STARD9: variants seen among roughly 807,000 people sequenced by gnomAD.
STARD9 encodes stAR-related lipid transfer protein 9.
A neutral mutation model predicts 399.8 loss-of-function variants in STARD9; 346 were observed. That is an observed-to-expected ratio of 0.87 (90% CI 0.79 to 0.95). STARD9 has a LOEUF of 0.95. Ranked by LOEUF, STARD9 falls within the 40% of genes least tolerant of loss-of-function variation. The pLI is 0.00. For missense variants in STARD9, 5,832 were observed against 5,667.5 expected, an observed-to-expected ratio of 1.03 and a Z score of -0.93; for synonymous variants, 2,203 against 2,143.5, an observed-to-expected ratio of 1.03 and a Z score of -0.77.
chr15:42,717,958 G>A lies in STARD9; in HGVS notation c.13560-19G>A. On this transcript the variant is annotated intron_variant, in intron 29 of 32. Coordinates refer to ENST00000290607, the MANE Select transcript of STARD9 (RefSeq NM_020759.3). ...TTTTTGACCCCTTTCTATTTTCTGT[G>A]CTTGGTGTCTCCCCCCAGCTATCAG... is the stretch of plus-strand genomic sequence containing the variant. The A allele has an allele frequency of 6.5e-7, 1 of 1,536,548 alleles. No individual in the cohort carries two copies. Among genetic ancestry groups the A allele is most frequent in the Admixed American group, 2.0e-5 (1 of 50,990 alleles).
At chr15:42,713,220 CTTCA>C (rs1017909088) in intron 26 of STARD9, among the ~76,000 whole-genome samples, 5 of 152,180 alleles carry the variant, frequency 3.3e-5, no homozygotes, top group African/African-American at 1.2e-4. Context: ...ATTGTTTTCA[CTTCA>C]TTTTCAGTTT....
chr15:42,575,691 G>C lies in STARD9; in HGVS notation c.-25G>C. The stretch of plus-strand genomic sequence containing the variant: ...TGGGATGCTGCCGCTGAGCTGACCC[G>C]CTGGACTTGGGTTGTGGCAGACGGA... On this transcript the variant is annotated 5_prime_UTR_variant, in exon 1 of 33. Transcript: ENST00000290607. The C allele has an allele frequency of 2.6e-6, 4 of 1,536,336 alleles. No homozygotes were observed. The highest frequency in any genetic ancestry group is 2.4e-5 in the South Asian group (2 of 84,012).
chr15:42,588,128 C>T (rs1170852075), intron 3 of STARD9, among the ~76,000 whole-genome samples: 2 of 152,090 alleles, frequency 1.3e-5, no homozygotes, highest in East Asian at 3.8e-4. Context: ...CTGTTCTGTA[C>T]ATAAGAGGAA....
intron 26 of STARD9, among the ~76,000 whole-genome samples, chr15:42,711,301 C>A (rs536991419): frequency 6.6e-6 from 1 of 151,934 alleles, no homozygotes; most frequent in East Asian, 1.9e-4. Context: ...CACCACGCCC[C>A]GCTAATTTTT....
Position 42,691,114 on chromosome 15 carries a change from C to A in STARD9, c.9536C>A (p.Thr3179Asn). The part of the protein sequence containing the change: ...RCFLEKPQFS[T>N]ELRDHNRLDS... ...TTTTTGGAAAAGCCACAATTTTCCA[C>A]TGAGTTGAGGGATCACAATCGCTTG... is the stretch of plus-strand genomic sequence containing the variant. The change falls in exon 23 of 33, where the codon ACT becomes AAT. Residue 3179 changes from threonine to asparagine, a missense_variant. Around this residue, in one of 2 missense-constraint regions of STARD9, gnomAD observed 5,828 missense variants for 5,651.1 expected, o/e 1.03. Coordinates refer to ENST00000290607, the MANE Select transcript of STARD9 (RefSeq NM_020759.3). 3 of 1,537,200 alleles carry A rather than the reference C, an allele frequency of 2.0e-6. No homozygotes were observed. Among genetic ancestry groups the A allele is most frequent in the Non-Finnish European group, 1.7e-6 (2 of 1,146,888 alleles).
intron 3 of STARD9, among the ~76,000 whole-genome samples, chr15:42,621,159 G>T (rs1053290276): frequency 6.6e-6 from 1 of 151,798 alleles, no homozygotes; most frequent in South Asian, 2.1e-4. Context: ...TGATTAAGGT[G>T]GTGTCTGCCA....
chr15:42,638,526 A>G (rs2059464172), intron 6 of STARD9, among the ~76,000 whole-genome samples, 174 bp from the exon 7 acceptor site: 1 of 151,572 alleles, frequency 6.6e-6, no homozygotes, highest in African/African-American at 2.4e-5. Context: ...AATACAAAAA[A>G]CTCTATTGTA....
intron 10 of STARD9, among the ~76,000 whole-genome samples, chr15:42,662,391 C>A (rs1677717889): frequency 6.6e-6 from 1 of 152,112 alleles, no homozygotes; most frequent in African/African-American, 2.4e-5. Context: ...TTTAATATTT[C>A]CCATTTACTT....
At position 42,688,419 on chromosome 15, in the gene STARD9, C is replaced by G. The variant is rs1242915375; in HGVS notation, c.6841C>G (p.Gln2281Glu). The G allele has an allele frequency of 1.3e-6, 2 of 1,537,640 alleles. No individual in the cohort carries two copies. Among genetic ancestry groups the G allele is most frequent in the Admixed American group, 3.9e-5 (2 of 51,008 alleles). The change falls in exon 23 of 33, where the codon CAA becomes GAA. Residue 2281 changes from glutamine (Q) to glutamate (E), a missense_variant. Around this residue, in one of 2 missense-constraint regions of STARD9, gnomAD observed 5,828 missense variants for 5,651.1 expected, o/e 1.03. Coordinates refer to ENST00000290607, the MANE Select transcript of STARD9 (RefSeq NM_020759.3). ...AQGKVEEMPM[Q>E]RGGSLQEENK... ...AGGTAAAGTTGAAGAAATGCCTATG[C>G]AAAGGGGAGGCAGCCTTCAGGAAGA...
At position 42,682,294 on chromosome 15, in the gene STARD9, G is replaced by T; in HGVS notation, c.2256G>T (p.Arg752=). 2.6e-6 allele frequency: 4 copies of T among 1,537,260 alleles called. No individual in the cohort carries two copies. The highest frequency in any genetic ancestry group is 3.5e-6 in the Non-Finnish European group (4 of 1,146,910). Residue 752 remains arginine (R), a synonymous_variant, in exon 22 of 33, where the codon CGG becomes CGT. Transcript: ENST00000290607. ...GGGTGGTGCACCTGCAGCTCCTGCG[G>T]AGACACACTCTTCGGGCAGCAGAGC... The part of the protein sequence containing the change: ...QKRVVHLQLL[R]RHTLRAAERN...
intron 26 of STARD9, among the ~76,000 whole-genome samples, chr15:42,709,369 C>T (rs2061161101): frequency 6.6e-6 from 1 of 152,076 alleles, no homozygotes; most frequent in African/African-American, 2.4e-5. Context: ...TGGCCTTGGA[C>T]AGAGGGAGAC....
Position 42,720,773 on chromosome 15 carries a change from T to C in STARD9, c.*1199T>C, listed in dbSNP as rs538236107. The C allele has an allele frequency of 1.3e-5, 2 of 152,326 alleles. No individual in the cohort carries two copies. Among genetic ancestry groups the C allele is most frequent in the African/African-American group, 4.8e-5 (2 of 41,576 alleles). 9.4% of individuals were successfully genotyped at this position (152,326 alleles called of 1,614,324 possible). ...GCAGAGATGTGTTTTTCTAAAGTGT[T>C]TGCAGGGCATTTTTCCCTCTTACCT... On this transcript the variant is annotated 3_prime_UTR_variant, in exon 33 of 33. Transcript: ENST00000290607.
intron 3 of STARD9, among the ~76,000 whole-genome samples, chr15:42,622,513 A>C (rs1181803847): frequency 1.3e-5 from 2 of 152,108 alleles, no homozygotes; most frequent in Non-Finnish European, 2.9e-5. Context: ...GACTTCAGGC[A>C]TGAGCCACTG....
Position 42,684,769 on chromosome 15 carries a change from T to A in STARD9, c.3191T>A (p.Leu1064His), listed in dbSNP as rs1299115041. The A allele has an allele frequency of 6.5e-7, 1 of 1,537,236 alleles. No homozygotes were observed. Among genetic ancestry groups the A allele is most frequent in the South Asian group, 1.2e-5 (1 of 84,060 alleles). ...ACCAAAAAGTCCTCTCACTTGCCTC[T>A]TGGCAGTCCTTTGAAGAGACAACAA... is the stretch of plus-strand genomic sequence containing the variant. ...NITKKSSHLP[L>H]GSPLKRQQNT... The change falls in exon 23 of 33, where the codon CTT becomes CAT. Residue 1064 changes from leucine (L) to histidine (H), a missense_variant. Transcript: ENST00000290607.
In STARD9 at chr15:42,657,703, C is replaced by T. The variant is rs535002095; in HGVS notation, c.703-3455C>T. Among the ~76,000 whole-genome samples, 192 of 152,282 alleles carry T rather than the reference C, an allele frequency of 1.3e-3. 2 individuals carry two copies. The highest frequency in any genetic ancestry group is 4.5e-3 in the African/African-American group (188 of 41,558). On this transcript the variant is annotated intron_variant, in intron 9 of 32. Coordinates refer to ENST00000290607, the MANE Select transcript of STARD9 (RefSeq NM_020759.3). ...GAATACACATATTTTCAAGTGCACA[C>T]GGAGCATTCTCTGAGATAAACCCTA...
intron 3 of STARD9, among the ~76,000 whole-genome samples, chr15:42,593,536 G>A (rs553051280): frequency 6.6e-6 from 1 of 151,118 alleles, no homozygotes; most frequent in Non-Finnish European, 1.5e-5. Context: ...TAAAACACTT[G>A]TAGCATTTCC....
chr15:42,662,205 T>C (rs755921786), intron 10 of STARD9, among the ~76,000 whole-genome samples: 9 of 152,192 alleles, frequency 5.9e-5, no homozygotes, highest in Non-Finnish European at 1.2e-4. Context: ...GCATGAATTA[T>C]AGTTACATAT....
At chr15:42,683,677 ATTTG>A (rs1392166043) in intron 22 of STARD9, among the ~76,000 whole-genome samples, 2 of 151,976 alleles carry the variant, frequency 1.3e-5, no homozygotes, top group Non-Finnish European at 1.5e-5. Context: ...TACACACTGC[ATTTG>A]TTTGTTGTTT....
In STARD9 at chr15:42,693,786, C is replaced by A. The variant is rs1340766349; in HGVS notation, c.12208C>A (p.Gln4070Lys). 6.5e-6 allele frequency: 10 copies of A among 1,536,256 alleles called. No individual in the cohort carries two copies. In the Admixed American group the frequency reaches 1.6e-4, roughly 24 times the overall value. The stretch of plus-strand genomic sequence containing the variant: ...GAGTTCAGCATCTCCAGGGGAACCA[C>A]AACGCACTCTGGACCGACCTTCTTC... ...GESSASPGEP[Q>K]RTLDRPSSWG... The change falls in exon 23 of 33, where the codon CAA (glutamine) becomes AAA (lysine). Residue 4070 changes from glutamine to lysine, a missense_variant. By Grantham distance (53) the Gln-to-Lys change is moderately conservative (BLOSUM62 1). Transcript: ENST00000290607.
Sources: gnomAD v4.1 joint callset for allele counts (sites outside exome capture counted in the v4.1 genomes callset) on GRCh38, gnomAD v4.1.1 for gene constraint, gnomAD v4.1.1 regional missense constraint, MANE v1.5 for transcripts, NCBI Gene and HGNC (gene_info 2026-07-23, HGNC 2026-07-21) for gene names.